Variants in QTMAN observed in about 807,000 individuals in gnomAD.
QTMAN encodes tRNA-queuosine alpha-mannosyltransferase.
At chr2:144,139,341 G>A in the QTMAN span, among the ~76,000 whole-genome samples, 3 of 152,078 alleles carry the variant, frequency 2.0e-5, no homozygotes, top group East Asian at 3.9e-4. Flanking sequence ...TAATGGGAGC[G>A]GGGCGGGTAA....
the QTMAN span, among the ~76,000 whole-genome samples, chr2:144,291,947 C>T: frequency 6.6e-6 from 1 of 152,104 alleles, no homozygotes. Flanking sequence ...GCCTTGTTCC[C>T]CCACTTAAAA....
the QTMAN span, among the ~76,000 whole-genome samples, chr2:144,277,417 A>G: frequency 6.6e-6 from 1 of 152,168 alleles, no homozygotes; most frequent in African/African-American, 2.4e-5. Flanking sequence ...GCATGGGTCT[A>G]GGTTTTAAGA....
chr2:144,126,063 A>T, the QTMAN span, among the ~76,000 whole-genome samples: 3 of 152,106 alleles, frequency 2.0e-5, no homozygotes, highest in African/African-American at 4.8e-5. Context: ...TAGCCAGAAA[A>T]TTATACAAAT....
the QTMAN span, among the ~76,000 whole-genome samples, chr2:144,310,432 A>T: frequency 6.6e-6 from 1 of 152,248 alleles, no homozygotes; most frequent in Non-Finnish European, 1.5e-5. Context: ...GAAAGAAAAC[A>T]AATGAAGCTT....
At chr2:144,295,401 T>C in the QTMAN span, 2 of 152,208 alleles carry the variant, frequency 1.3e-5, no homozygotes, top group African/African-American at 4.8e-5. Flanking sequence ...GCCTGGCATG[T>C]TGTAAGGGCT....
At chr2:144,265,105 TATATAA>T in the QTMAN span, among the ~76,000 whole-genome samples, 35 of 152,314 alleles carry the variant, frequency 2.3e-4, no homozygotes, top group African/African-American at 8.2e-4. Flanking sequence ...CTGACAAACA[TATATAA>T]ATATATAGAT....
the QTMAN span, among the ~76,000 whole-genome samples, chr2:144,214,003 C>T: frequency 1.3e-5 from 2 of 152,084 alleles, no homozygotes; most frequent in African/African-American, 4.8e-5. Flanking sequence ...TACCTTCCAG[C>T]CCACTCACTT....
At chr2:143,982,108 A>T in the QTMAN span, among the ~76,000 whole-genome samples, 1 of 152,230 alleles carries the variant, frequency 6.6e-6, no homozygotes, top group South Asian at 2.1e-4. Context: ...CACGTGCTAT[A>T]AATTAACTAC....
At chr2:144,209,831 A>C in the QTMAN span, among the ~76,000 whole-genome samples, 9 of 152,198 alleles carry the variant, frequency 5.9e-5, no homozygotes, top group Non-Finnish European at 4.4e-5. Context: ...TTTATGACTT[A>C]AGTAAATATC....
At chr2:144,164,456 C>A in the QTMAN span, among the ~76,000 whole-genome samples, 3 of 152,080 alleles carry the variant, frequency 2.0e-5, no homozygotes, top group Non-Finnish European at 4.4e-5. Context: ...AATCAAATTT[C>A]AAAATGTTGC....
At chr2:144,109,123 C>T in the QTMAN span, among the ~76,000 whole-genome samples, 5 of 152,218 alleles carry the variant, frequency 3.3e-5, no homozygotes, top group Non-Finnish European at 4.4e-5. Context: ...CTGGAGGCAT[C>T]ATGCTACCTG....
At chr2:144,051,207 GGTGT>G in the QTMAN span, among the ~76,000 whole-genome samples, 1 of 149,950 alleles carries the variant, frequency 6.7e-6, no homozygotes, top group Non-Finnish European at 1.5e-5. Flanking sequence ...TAGTTTTTGG[GGTGT>G]GTGTGTGTGT....
At chr2:144,105,767 C>T in the QTMAN span, among the ~76,000 whole-genome samples, 1 of 152,150 alleles carries the variant, frequency 6.6e-6, no homozygotes, top group South Asian at 2.1e-4. Flanking sequence ...CACAAAGATA[C>T]TCCTCGAGAA....
chr2:144,317,132 T>C, the QTMAN span, among the ~76,000 whole-genome samples: 1 of 152,184 alleles, frequency 6.6e-6, no homozygotes, highest in Non-Finnish European at 1.5e-5. Flanking sequence ...ATGATCTTAC[T>C]ATCTATCACA....
At chr2:144,111,620 T>C in the QTMAN span, among the ~76,000 whole-genome samples, 4 of 152,104 alleles carry the variant, frequency 2.6e-5, no homozygotes, top group African/African-American at 7.2e-5. Context: ...CAGATGTGAG[T>C]TCCCTACATC....
the QTMAN span, among the ~76,000 whole-genome samples, chr2:144,174,414 T>C: frequency 8.5e-5 from 13 of 152,200 alleles, no homozygotes; most frequent in African/African-American, 2.7e-4. Context: ...AAATGTCCAG[T>C]GTCTCGAAAA....
chr2:144,052,940 C>T, the QTMAN span, among the ~76,000 whole-genome samples: 16 of 152,290 alleles, frequency 1.1e-4, no homozygotes, highest in Admixed American at 7.8e-4. Context: ...TGAGCCACCA[C>T]GCCCGGCCTA....
chr2:143,981,952 G>T, the QTMAN span, among the ~76,000 whole-genome samples: 1 of 152,014 alleles, frequency 6.6e-6, no homozygotes, highest in Non-Finnish European at 1.5e-5. Context: ...ATATCAAAAA[G>T]AAAAAGTTCA....
the QTMAN span, among the ~76,000 whole-genome samples, chr2:144,049,703 C>CT: frequency 6.6e-6 from 1 of 152,122 alleles, no homozygotes; most frequent in Admixed American, 6.5e-5. Flanking sequence ...CAAAATGGCT[C>CT]TTTTTTGTTA....
Sources: gnomAD v4.1 joint callset for allele counts (sites outside exome capture counted in the v4.1 genomes callset) on GRCh38, gnomAD v4.1.1 for gene constraint, MANE v1.5 for transcripts, NCBI Gene and HGNC (gene_info 2026-07-23, HGNC 2026-07-21) for gene names.